FAT3: variants seen among roughly 807,000 people sequenced by gnomAD.
FAT3 encodes FAT atypical cadherin 3, also known as protocadherin Fat 3.
In FAT3, 95 loss-of-function variants were observed where a neutral mutation model predicts 310.2. The observed-to-expected ratio is 0.31, with a 90% confidence interval of 0.26 to 0.36. The LOEUF is 0.36. Ranked by LOEUF, FAT3 falls within the 10% of genes least tolerant of loss-of-function variation. The pLI is 1.00. For synonymous variants in FAT3, 2,314 were observed against 2,192.9 expected, an observed-to-expected ratio of 1.06 and a Z score of -1.54; for missense variants, 5,408 against 5,715.6, an observed-to-expected ratio of 0.95 and a Z score of 1.74.
chr11:92,691,928 T>C (rs988344978), intron 3 of FAT3, among the ~76,000 whole-genome samples: 1 of 152,186 alleles, frequency 6.6e-6, no homozygotes, highest in Non-Finnish European at 1.5e-5. Flanking sequence ...AATGAGATTA[T>C]GTATATGAAC....
At chr11:92,334,545 C>T (rs1454239248) in intron 1 of FAT3, among the ~76,000 whole-genome samples, 1 of 149,638 alleles carries the variant, frequency 6.7e-6, no homozygotes, top group Middle Eastern at 3.5e-3. Flanking sequence ...TGATCTATTG[C>T]CTAGGGTTTT....
intron 2 of FAT3, among the ~76,000 whole-genome samples, chr11:92,435,468 A>ACCCT (rs1555045778): frequency 1.9e-5 from 2 of 107,986 alleles, no homozygotes; most frequent in Non-Finnish European, 4.0e-5. Context: ...TCTTTTATTT[A>ACCCT]TCCTTCCTTC....
chr11:92,663,597 G>A (rs1942861612), intron 3 of FAT3, among the ~76,000 whole-genome samples: 1 of 152,120 alleles, frequency 6.6e-6, no homozygotes, highest in Non-Finnish European at 1.5e-5. Context: ...TTGTCAAGAA[G>A]TAGCACATAC....
At chr11:92,478,031 G>A (rs573936979) in intron 2 of FAT3, among the ~76,000 whole-genome samples, 97 of 152,314 alleles carry the variant, frequency 6.4e-4, no homozygotes, top group African/African-American at 2.2e-3. Context: ...CTTTCCTGAC[G>A]TGTCCTTGGG....
At chr11:92,577,330 A>G (rs1938535315) in intron 3 of FAT3, among the ~76,000 whole-genome samples, 1 of 152,018 alleles carries the variant, frequency 6.6e-6, no homozygotes, top group South Asian at 2.1e-4. Flanking sequence ...GCTGAACTCA[A>G]ACTCCTGACC....
chr11:92,877,799 C>G (rs976880952), intron 22 of FAT3, among the ~76,000 whole-genome samples: 6 of 152,276 alleles, frequency 3.9e-5, no homozygotes, highest in Non-Finnish European at 7.4e-5. Context: ...TTCAGAGAAG[C>G]AGAACCAATA....
At chr11:92,829,390 T>G (rs76563916) in intron 13 of FAT3, among the ~76,000 whole-genome samples, 111 of 152,374 alleles carry the variant, frequency 7.3e-4, no homozygotes, top group Non-Finnish European at 1.4e-3. Context: ...AAAACCTGTG[T>G]GCTGTATTTA....
intron 1 of FAT3, among the ~76,000 whole-genome samples, chr11:92,296,580 GC>G (rs1946855152): frequency 6.6e-6 from 1 of 152,066 alleles, no homozygotes; most frequent in Non-Finnish European, 1.5e-5. Context: ...GTGGCCACGT[GC>G]ATGTCAAGTT....
chr11:92,301,545 G>A (rs1157907739), intron 1 of FAT3, among the ~76,000 whole-genome samples: 1 of 152,094 alleles, frequency 6.6e-6, no homozygotes, highest in Non-Finnish European at 1.5e-5. Context: ...CTTTTTCTAT[G>A]TTGTCTGGGG....
chr11:92,395,602 A>T (rs486414), intron 2 of FAT3, among the ~76,000 whole-genome samples: 1 of 150,216 alleles, frequency 6.7e-6, no homozygotes, highest in Non-Finnish European at 1.5e-5. Context: ...TTTTTGAGAT[A>T]GAGTCTCGCT....
chr11:92,470,944 G>A (rs1208864995), intron 2 of FAT3, among the ~76,000 whole-genome samples: 1 of 152,102 alleles, frequency 6.6e-6, no homozygotes. Context: ...CCATAAACTA[G>A]CAATAGCTAC....
At chr11:92,392,654 A>G (rs1365151446) in intron 2 of FAT3, among the ~76,000 whole-genome samples, 1 of 152,186 alleles carries the variant, frequency 6.6e-6, no homozygotes, top group African/African-American at 2.4e-5. Flanking sequence ...TAACTCCTTT[A>G]CTACAGAAAG....
At chr11:92,339,491 G>T (rs1948184006) in intron 1 of FAT3, among the ~76,000 whole-genome samples, 2 of 152,152 alleles carry the variant, frequency 1.3e-5, no homozygotes, top group South Asian at 4.1e-4. Context: ...TCTTCGTTCG[G>T]TTTATAGTCA....
intron 3 of FAT3, among the ~76,000 whole-genome samples, chr11:92,558,807 A>G (rs575735408): frequency 8.5e-5 from 13 of 152,238 alleles, no homozygotes; most frequent in Middle Eastern, 3.4e-3. Context: ...CAGGGGTCCA[A>G]TTCTTTACCT....
rs2136445845 is a variant in FAT3, at chr11:92,890,736, G to A, written c.13393G>A (p.Ala4465Thr). ...LPEDFPDQYEALPPSQPVSLA... is the reference protein window; with the variant it reads ...LPEDFPDQYETLPPSQPVSLA... ...GGAGGACTTCCCAGACCAATATGAG[G>A]CCCTGCCACCCTCCCAGCCTGTCTC... Residue 4465 changes from alanine to threonine, a missense_variant, in exon 28 of 28, where the codon GCC (alanine) becomes ACC (threonine). Ala to Thr is a moderately conservative substitution (Grantham distance 58). This residue lies in a region of FAT3 where 649 missense variants were observed against 666.2 expected (regional missense o/e 0.97). Coordinates refer to ENST00000525166, the MANE Select transcript of FAT3 (RefSeq NM_001367949.2). 6.2e-7 allele frequency: 1 copy of A among 1,613,552 alleles called. No homozygotes were observed. The highest frequency in any genetic ancestry group is 8.5e-7 in the Non-Finnish European group (1 of 1,179,762).
At position 92,889,146 on chromosome 11, in the gene FAT3, A is replaced by G. The variant is rs950416815; in HGVS notation, c.13052-43A>G. Reference sequence around the variant, plus strand: ...TGTTTAAAATATACAACTAACCTGAAGCTGTCCTTCCCCTACCTCCGACTT... The same window carrying G: ...TGTTTAAAATATACAACTAACCTGAGGCTGTCCTTCCCCTACCTCCGACTT... On this transcript the variant is annotated intron_variant, in intron 25 of 27. Transcript: ENST00000525166. 8.6e-6 allele frequency: 6 copies of G among 694,168 alleles called. No individual in the cohort carries two copies. The African/African-American group carries it at 1.1e-4, about 12-fold the overall frequency. The allele number at this position is 694,168 out of a possible 1,614,324, so 43.0% of individuals were successfully genotyped here. A position where few individuals can be genotyped will look rare whatever the true frequency, so the allele number is the denominator to read the frequency against.
At chr11:92,748,798 T>TC (rs1210780123) in intron 4 of FAT3, 1 of 152,230 alleles carries the variant, frequency 6.6e-6, no homozygotes, top group Non-Finnish European at 1.5e-5. Flanking sequence ...CTGCCTTCTT[T>TC]TGCTTTTTCT....
intron 1 of FAT3, among the ~76,000 whole-genome samples, chr11:92,244,759 A>G (rs1323535259): frequency 6.6e-6 from 1 of 152,038 alleles, no homozygotes; most frequent in Non-Finnish European, 1.5e-5. Flanking sequence ...TGTGGTTTTG[A>G]TTTGCATTTC....
chr11:92,852,230 G>A (rs1175466529), intron 19 of FAT3, among the ~76,000 whole-genome samples: 2 of 152,178 alleles, frequency 1.3e-5, no homozygotes, highest in Non-Finnish European at 2.9e-5. Flanking sequence ...TTCATAGAGA[G>A]GAAAGAACTG....
Sources: allele counts gnomAD v4.1 joint callset (sites outside exome capture counted in the v4.1 genomes callset), GRCh38; gene constraint gnomAD v4.1.1; regional missense constraint gnomAD v4.1.1; transcripts MANE v1.5; gene names NCBI Gene and HGNC (gene_info 2026-07-23, HGNC 2026-07-21).